GLIS1: variants seen among roughly 807,000 people sequenced by gnomAD.
GLIS1 encodes GLIS family zinc finger 1.
Under a neutral mutation model 63.8 loss-of-function variants are expected in GLIS1, and 24 were observed. That is an observed-to-expected ratio of 0.38 (90% CI 0.27 to 0.53). The LOEUF is 0.53. GLIS1 is among the 20% of genes least tolerant of loss of function. The pLI, the probability that GLIS1 is intolerant of heterozygous loss-of-function variation, is 0.85. For synonymous variants in GLIS1, 450 were observed against 482.5 expected, an observed-to-expected ratio of 0.93 and a Z score of 0.88; for missense variants, 1,036 against 1,074.1, an observed-to-expected ratio of 0.96 and a Z score of 0.50.
chr1:53,661,700 C>T (rs1344646230), intron 2 of GLIS1, among the ~76,000 whole-genome samples: 2 of 152,176 alleles, frequency 1.3e-5, no homozygotes, highest in Admixed American at 6.5e-5. Flanking sequence ...CTCCTCCCCA[C>T]GGCTCCCTGT....
intron 2 of GLIS1, among the ~76,000 whole-genome samples, chr1:53,617,092 C>A (rs143940121): frequency 5.9e-5 from 9 of 152,220 alleles, no homozygotes; most frequent in Admixed American, 6.5e-5. Flanking sequence ...AGTCAGCCTG[C>A]ACGCTCAGCC....
At position 53,574,445 on chromosome 1, in the gene GLIS1, G is replaced by A. The variant is rs3006896; in HGVS notation, c.1320+19663C>T. ...TGCCACAAGCAGCAGGGCCTCCCAC[G>A]CAGTCTCCCCTGGGAGATTACCTGT... On this transcript the variant is annotated intron_variant, in intron 4 of 10. Coordinates refer to ENST00000628545, the MANE Select transcript of GLIS1 (RefSeq NM_001367484.1). The surrounding 1 kb of genome is among the most constrained non-coding windows in gnomAD (Gnocchi z 4.2). 0.04 allele frequency among the ~76,000 whole-genome samples: 6,100 copies of A among 152,226 alleles called. 393 individuals carry two copies. The highest frequency in any genetic ancestry group is 0.14 in the African/African-American group (5,622 of 41,492).
chr1:53,568,744 A>G (rs922571886), intron 4 of GLIS1, among the ~76,000 whole-genome samples: 5 of 152,212 alleles, frequency 3.3e-5, no homozygotes, highest in African/African-American at 7.2e-5. Context: ...CTCCACCATG[A>G]TAAGACATGC....
At chr1:53,679,376 C>A (rs934357592) in intron 2 of GLIS1, among the ~76,000 whole-genome samples, 7 of 152,200 alleles carry the variant, frequency 4.6e-5, no homozygotes, top group Non-Finnish European at 1.0e-4. Flanking sequence ...CTGAGACAAT[C>A]CGAGTTGGGT....
intron 4 of GLIS1, among the ~76,000 whole-genome samples, chr1:53,580,363 G>A (rs1645073204): frequency 1.3e-5 from 2 of 152,288 alleles, no homozygotes; most frequent in South Asian, 4.1e-4. Context: ...GTCAGGGAGT[G>A]AGGCAAGAGG....
At chr1:53,538,186 A>G (rs1161453713) in intron 4 of GLIS1, among the ~76,000 whole-genome samples, 1 of 152,166 alleles carries the variant, frequency 6.6e-6, no homozygotes, top group Non-Finnish European at 1.5e-5. Flanking sequence ...CAAGAATGGA[A>G]CGGACAGACG....
intron 2 of GLIS1, among the ~76,000 whole-genome samples, chr1:53,644,976 T>C (rs535593614): frequency 4.6e-5 from 7 of 152,358 alleles, no homozygotes; most frequent in Non-Finnish European, 7.3e-5. Context: ...AGGGCAGCAC[T>C]TAATCTGAAT....
intron 5 of GLIS1, among the ~76,000 whole-genome samples, chr1:53,527,893 C>A (rs1644487283): frequency 6.6e-6 from 1 of 152,108 alleles, no homozygotes; most frequent in Non-Finnish European, 1.5e-5. Context: ...CTGACCTAGA[C>A]CTTGGGGTTC....
chr1:53,517,396 G>T (rs1644363614), intron 7 of GLIS1, among the ~76,000 whole-genome samples: 1 of 152,192 alleles, frequency 6.6e-6, no homozygotes, highest in African/African-American at 2.4e-5. Context: ...GCCTCAAGCG[G>T]TGTTTGTGGA....
chr1:53,682,149 C>T (rs1275612653), intron 2 of GLIS1, among the ~76,000 whole-genome samples: 2 of 152,226 alleles, frequency 1.3e-5, no homozygotes, highest in Non-Finnish European at 2.9e-5. Flanking sequence ...ACAGATGCTT[C>T]CTGTTGTAAA....
chr1:53,546,417 T>A (rs560955047), intron 4 of GLIS1, among the ~76,000 whole-genome samples: 40 of 152,372 alleles, frequency 2.6e-4, no homozygotes, highest in African/African-American at 9.4e-4. Context: ...CTGAGCCATC[T>A]GGATGGGGTG....
chr1:53,509,737 G>T, intron 9 of GLIS1, 112 bp downstream of exon 9: 1 of 638,622 alleles, frequency 1.6e-6, no homozygotes, highest in Non-Finnish European at 2.3e-6. Context: ...TGCCCAGCCG[G>T]TCATTCTCTG....
chr1:53,588,477 T>A (rs1264412795), intron 4 of GLIS1, among the ~76,000 whole-genome samples: 2 of 152,218 alleles, frequency 1.3e-5, no homozygotes, highest in African/African-American at 4.8e-5. Context: ...TGTGCAGTCC[T>A]GGGCCCCTGA....
intron 4 of GLIS1, among the ~76,000 whole-genome samples, chr1:53,552,813 C>T (rs1158338992): frequency 6.6e-6 from 1 of 152,162 alleles, no homozygotes; most frequent in African/African-American, 2.4e-5. Flanking sequence ...TGTCATCGGC[C>T]CTGGAAGAGG....
At chr1:53,546,468 G>A (rs113017014) in intron 4 of GLIS1, among the ~76,000 whole-genome samples, 17 of 152,336 alleles carry the variant, frequency 1.1e-4, no homozygotes, top group African/African-American at 3.6e-4. Context: ...TCCCAGCCCT[G>A]CTGCTTACTC....
chr1:53,561,788 G>A (rs1027066258), intron 4 of GLIS1, among the ~76,000 whole-genome samples: 1 of 152,200 alleles, frequency 6.6e-6, no homozygotes. Context: ...GAGCCAAGGT[G>A]CTCTGGTTGG....
intron 4 of GLIS1, among the ~76,000 whole-genome samples, chr1:53,558,848 A>G (rs1644858536): frequency 6.6e-6 from 1 of 152,196 alleles, no homozygotes; most frequent in African/African-American, 2.4e-5. Flanking sequence ...GTGCTCACCT[A>G]TCCTGGACCA....
chr1:53,657,106 T>C (rs1645974597), intron 2 of GLIS1, among the ~76,000 whole-genome samples: 1 of 152,218 alleles, frequency 6.6e-6, no homozygotes, highest in African/African-American at 2.4e-5. Flanking sequence ...ACCCCCGGGC[T>C]AATGCACCGG....
At position 53,716,175 on chromosome 1, in the gene GLIS1, C is replaced by T. The variant is rs539410482; in HGVS notation, c.259+21631G>A. Among the ~76,000 whole-genome samples the T allele has an allele frequency of 9.8e-5, 15 of 152,326 alleles. No homozygotes were observed. In the East Asian group the frequency reaches 2.9e-3, roughly 29 times the overall value. On this transcript the variant is annotated intron_variant, in intron 2 of 10. Transcript: ENST00000628545. ...CGCCAGAGCTCTCAACTCCCAGATA[C>T]AGACTGGGCTCTTTCAGGGTTCCGT...
Sources: gnomAD v4.1 joint callset for allele counts (sites outside exome capture counted in the v4.1 genomes callset) on GRCh38, gnomAD v4.1.1 for gene constraint, Gnocchi (gnomAD v3.1) non-coding constraint, MANE v1.5 for transcripts, NCBI Gene and HGNC (gene_info 2026-07-23, HGNC 2026-07-21) for gene names.